FLT3: variants seen among roughly 807,000 people sequenced by gnomAD.
The protein encoded by FLT3 is receptor-type tyrosine-protein kinase FLT3.
A neutral mutation model predicts 126.6 loss-of-function variants in FLT3; 46 were observed. The ratio of observed to expected loss-of-function variants is 0.36; its 90% CI spans 0.29 to 0.46. The LOEUF is 0.46. Ranked by LOEUF, FLT3 falls within the 20% of genes least tolerant of loss-of-function variation. FLT3 has a pLI of 1.00. For synonymous variants in FLT3, 404 were observed against 434.4 expected, an observed-to-expected ratio of 0.93 and a Z score of 0.87; for missense variants, 1,069 against 1,190.3, an observed-to-expected ratio of 0.90 and a Z score of 1.50.
chr13:28,062,137 C>A, intron 2 of FLT3, 68 bp from the exon 3 acceptor site: 1 of 1,211,100 alleles, frequency 8.3e-7, no homozygotes, highest in South Asian at 1.3e-5. Context: ...TTCTTCACAT[C>A]AAAACTTTAT....
chr13:28,020,232 G>C (rs1872264588), intron 19 of FLT3, among the ~76,000 whole-genome samples: 1 of 152,076 alleles, frequency 6.6e-6, no homozygotes, highest in Non-Finnish European at 1.5e-5. Flanking sequence ...CTCTTCCACT[G>C]CATCTCCCCT....
chr13:28,065,469 C>T (rs1325330982), intron 2 of FLT3, among the ~76,000 whole-genome samples: 1 of 151,886 alleles, frequency 6.6e-6, no homozygotes, highest in Middle Eastern at 3.4e-3. Context: ...AAATGAGACC[C>T]CATCTCTACA....
At chr13:28,048,640 C>T (rs944575642) in intron 8 of FLT3, among the ~76,000 whole-genome samples, 197 bp from the exon 9 acceptor site, 3 of 151,702 alleles carry the variant, frequency 2.0e-5, no homozygotes, top group African/African-American at 7.3e-5. Flanking sequence ...CATCATCTTT[C>T]GAAGTTAAGA....
chr13:28,048,515 A>G, intron 8 of FLT3, 72 bp from the exon 9 acceptor site: 1 of 1,049,004 alleles, frequency 9.5e-7, no homozygotes, highest in Non-Finnish European at 1.4e-6. Context: ...AAGATAAAAT[A>G]AACTTGTATT....
At chr13:28,068,230 A>AG (rs1877201748) in intron 2 of FLT3, 1 of 152,412 alleles carries the variant, frequency 6.6e-6, no homozygotes, top group Non-Finnish European at 1.5e-5. Flanking sequence ...AATCACTGAC[A>AG]GGAAAAAAAA....
At chr13:28,089,270 C>T (rs1337218885) in intron 1 of FLT3, among the ~76,000 whole-genome samples, 1 of 152,170 alleles carries the variant, frequency 6.6e-6, no homozygotes, top group Non-Finnish European at 1.5e-5. Context: ...ACAAATGGTA[C>T]AATCACTTTG....
chr13:28,097,267 GA>G (rs959161914), intron 1 of FLT3, among the ~76,000 whole-genome samples: 7 of 148,706 alleles, frequency 4.7e-5, no homozygotes, highest in Non-Finnish European at 9.0e-5. Flanking sequence ...AGGAAGGAAG[GA>G]AAAAAATGGG....
chr13:28,018,234 T>G (rs1593219825), intron 20 of FLT3, among the ~76,000 whole-genome samples: 1 of 152,216 alleles, frequency 6.6e-6, no homozygotes, highest in South Asian at 2.1e-4. Context: ...TGATCTACTC[T>G]GACTAGCTAG....
chr13:28,070,708 A>G (rs941602859), intron 1 of FLT3, 96 bp from the exon 2 acceptor site: 1 of 939,718 alleles, frequency 1.1e-6, no homozygotes, highest in South Asian at 1.6e-5. Flanking sequence ...ACAAAGTGTA[A>G]TCAGAGGAAA....
chr13:28,023,285 A>C, intron 19 of FLT3, 65 bp downstream of exon 19: 2 of 1,503,266 alleles, frequency 1.3e-6, no homozygotes, highest in African/African-American at 1.4e-5. Flanking sequence ...TAAACAAGAA[A>C]ACATATATAA....
At chr13:28,036,455 T>C (rs1873847136) in intron 10 of FLT3, among the ~76,000 whole-genome samples, 1 of 152,208 alleles carries the variant, frequency 6.6e-6, no homozygotes, top group African/African-American at 2.4e-5. Flanking sequence ...GACCTCCACC[T>C]GTTTGCATGC....
rs1013517034 is a variant in FLT3, at chr13:28,049,523, C to T, written c.897G>A (p.Glu299=). 1 of 1,613,840 alleles carries T rather than the reference C, an allele frequency of 6.2e-7. No homozygotes were observed. The highest frequency in any genetic ancestry group is 8.5e-7 in the Non-Finnish European group (1 of 1,179,824). ...NKALEEGNYF[E]MSTYSTNRTM... ...TTCTGTTTGTTGAATAGGTACTCAT[C>T]TCAAAGTAGTTGCCCTAGGTTTTAA... The change falls in exon 8 of 24, where the codon GAG becomes GAA. Residue 299 remains glutamate (E), a synonymous_variant. Transcript: ENST00000241453.
intron 2 of FLT3, among the ~76,000 whole-genome samples, chr13:28,063,926 C>G (rs1286761389): frequency 6.6e-6 from 1 of 152,052 alleles, no homozygotes; most frequent in African/African-American, 2.4e-5. Flanking sequence ...GTTTTTCACC[C>G]AAGTCCAGTA....
intron 20 of FLT3, 51 bp from the exon 21 acceptor site, chr13:28,015,752 T>C: frequency 1.9e-6 from 2 of 1,063,462 alleles, no homozygotes; most frequent in Non-Finnish European, 2.9e-6. Context: ...CATACAGACA[T>C]GACTTCTTTT....
intron 3 of FLT3, among the ~76,000 whole-genome samples, chr13:28,061,075 G>A (rs1876510914): frequency 6.6e-6 from 1 of 151,892 alleles, no homozygotes; most frequent in Admixed American, 6.6e-5. Flanking sequence ...CATAGTTTGG[G>A]CCGGGCACGG....
chr13:28,083,723 TTTTA>T (rs1277442498), intron 1 of FLT3, among the ~76,000 whole-genome samples: 1 of 152,190 alleles, frequency 6.6e-6, no homozygotes, highest in East Asian at 1.9e-4. Flanking sequence ...AGTATGTGTC[TTTTA>T]TTTTTTTTCT....
chr13:28,024,894 AGATTTGAT>A lies in FLT3; in HGVS notation c.2249_2256del (p.Asp750ValfsTer11), dbSNP rs753260490. 1 of 1,611,982 alleles carries A rather than the reference AGATTTGAT, an allele frequency of 6.2e-7. No homozygotes were observed. Among genetic ancestry groups the A allele is most frequent in the Non-Finnish European group, 8.5e-7 (1 of 1,179,002 alleles). ...TGAAATGAATTCCCATGAAGCCCTG[AGATTTGAT>A]CCGAGTCCGGGTGTATCTGAACTTC... On this transcript the variant is annotated frameshift_variant, in exon 18 of 24. Coordinates refer to ENST00000241453, the MANE Select transcript of FLT3 (RefSeq NM_004119.3). LOFTEE classifies it high-confidence loss of function.
intron 15 of FLT3, among the ~76,000 whole-genome samples, chr13:28,029,118 C>A (rs893830157): frequency 1.3e-5 from 2 of 152,028 alleles, no homozygotes; most frequent in Non-Finnish European, 2.9e-5. Context: ...GGGCTGGGCG[C>A]AGTGGCTCAC....
chr13:28,046,065 A>T (rs1439666811), intron 9 of FLT3, among the ~76,000 whole-genome samples: 2 of 152,118 alleles, frequency 1.3e-5, no homozygotes, highest in African/African-American at 4.8e-5. Flanking sequence ...GGATGCTGAA[A>T]AGTATCCTAC....
Sources: gnomAD v4.1 joint callset for allele counts (sites outside exome capture counted in the v4.1 genomes callset) on GRCh38, gnomAD v4.1.1 for gene constraint, MANE v1.5 for transcripts, NCBI Gene and HGNC (gene_info 2026-07-23, HGNC 2026-07-21) for gene names.